CLVS1: variants seen among roughly 807,000 people sequenced by gnomAD.
The protein encoded by CLVS1 is clavesin 1.
A neutral mutation model predicts 33.1 loss-of-function variants in CLVS1; 10 were observed. The ratio of observed to expected loss-of-function variants is 0.30; its 90% CI spans 0.19 to 0.51. CLVS1 has a LOEUF of 0.51. Ranked by LOEUF, CLVS1 falls within the 20% of genes least tolerant of loss-of-function variation. The probability of loss-of-function intolerance (pLI) is 0.97; values close to 1 mark genes in which losing one functional copy is unlikely to be tolerated. For synonymous variants in CLVS1, 163 were observed against 166.1 expected (o/e 0.98, Z 0.14); for missense variants, 343 against 433.4 (o/e 0.79, Z 1.85).
At chr8:61,096,236 C>T (rs1348288454) in intron 1 of CLVS1, among the ~76,000 whole-genome samples, 1 of 152,228 alleles carries the variant, frequency 6.6e-6, no homozygotes, top group Non-Finnish European at 1.5e-5. Flanking sequence ...CCTCCAGCCG[C>T]CATTGACTTG....
intron 1 of CLVS1, among the ~76,000 whole-genome samples, chr8:61,094,400 T>C (rs960108654): frequency 1.8e-4 from 27 of 152,218 alleles, no homozygotes; most frequent in African/African-American, 6.5e-4. Flanking sequence ...CCCTGAGCTC[T>C]ATACAGTTCT....
intron 3 of CLVS1, among the ~76,000 whole-genome samples, chr8:61,441,138 T>G (rs1447450077): frequency 2.0e-5 from 3 of 152,156 alleles, no homozygotes; most frequent in African/African-American, 7.2e-5. Flanking sequence ...GCTGAAAATG[T>G]TTTTAACCTG....
chr8:61,101,841 CA>C (rs1805456349), intron 1 of CLVS1, among the ~76,000 whole-genome samples: 1 of 150,196 alleles, frequency 6.7e-6, no homozygotes, highest in South Asian at 2.1e-4. Context: ...TCAGTTGTTC[CA>C]GCACCACTTA....
intron 2 of CLVS1, among the ~76,000 whole-genome samples, chr8:61,141,472 G>T (rs1806306937): frequency 6.6e-6 from 1 of 151,404 alleles, no homozygotes; most frequent in Non-Finnish European, 1.5e-5. Context: ...CCAATATATT[G>T]GCTTATGTAT....
chr8:61,334,175 A>G (rs139718658), intron 2 of CLVS1, among the ~76,000 whole-genome samples: 96 of 152,330 alleles, frequency 6.3e-4, no homozygotes, highest in African/African-American at 2.1e-3. Context: ...GGGTGTGAGA[A>G]GTGGGATGAG....
At chr8:61,280,527 A>G (rs909727691) in intron 2 of CLVS1, among the ~76,000 whole-genome samples, 4 of 152,376 alleles carry the variant, frequency 2.6e-5, no homozygotes, top group African/African-American at 7.2e-5. Context: ...TAATTTAGGC[A>G]TGTTACTTAA....
chr8:61,328,436 A>C (rs1357678132), intron 2 of CLVS1, among the ~76,000 whole-genome samples: 1 of 152,114 alleles, frequency 6.6e-6, no homozygotes, highest in South Asian at 2.1e-4. Flanking sequence ...CAGGATTTAC[A>C]TGGGCCAGCT....
the CLVS1 span, among the ~76,000 whole-genome samples, chr8:61,005,442 T>C: frequency 2.1e-5 from 3 of 144,970 alleles, no homozygotes; most frequent in African/African-American, 5.2e-5. Context: ...GACAAGCAAA[T>C]GCTTGAATAC....
intron 2 of CLVS1, among the ~76,000 whole-genome samples, chr8:61,151,156 GAA>G (rs375025505): frequency 3.7e-4 from 56 of 152,324 alleles, no homozygotes; most frequent in African/African-American, 1.1e-3. Context: ...AATGAGAGGG[GAA>G]GAGAGGTGAG....
At chr8:61,258,133 G>A (rs967298772) in intron 2 of CLVS1, among the ~76,000 whole-genome samples, 8 of 152,144 alleles carry the variant, frequency 5.3e-5, no homozygotes, top group Non-Finnish European at 1.0e-4. Flanking sequence ...TTGCACAAAC[G>A]CTCTTGCCTT....
intron 3 of CLVS1, among the ~76,000 whole-genome samples, chr8:61,452,615 A>T (rs1817002945): frequency 1.3e-5 from 2 of 152,226 alleles, no homozygotes; most frequent in African/African-American, 4.8e-5. Context: ...CCTTATTAAG[A>T]ATCTTTACAT....
chr8:61,393,629 A>G (rs1365884116), intron 3 of CLVS1, among the ~76,000 whole-genome samples: 2 of 152,042 alleles, frequency 1.3e-5, no homozygotes, highest in Non-Finnish European at 2.9e-5. Flanking sequence ...CATTTCCCCT[A>G]GGGATGGGGC....
intron 5 of CLVS1, among the ~76,000 whole-genome samples, chr8:61,490,821 G>C (rs931153449): frequency 4.6e-5 from 7 of 151,732 alleles, no homozygotes; most frequent in Non-Finnish European, 1.0e-4. Flanking sequence ...AGCTGAGCGT[G>C]GTGGCGGGTG....
intron 2 of CLVS1, among the ~76,000 whole-genome samples, chr8:61,221,350 T>C (rs1375174828): frequency 6.6e-6 from 1 of 152,240 alleles, no homozygotes; most frequent in Non-Finnish European, 1.5e-5. Flanking sequence ...TATTTTGAGA[T>C]ATATTCCATC....
At chr8:61,095,787 G>A (rs780855880) in intron 1 of CLVS1, among the ~76,000 whole-genome samples, 10 of 152,124 alleles carry the variant, frequency 6.6e-5, no homozygotes, top group Non-Finnish European at 1.5e-4. Flanking sequence ...GCCTTAAGAC[G>A]TTTATCCTGT....
At chr8:61,318,982 C>A (rs1811105895) in intron 2 of CLVS1, among the ~76,000 whole-genome samples, 1 of 152,054 alleles carries the variant, frequency 6.6e-6, no homozygotes, top group South Asian at 2.1e-4. Context: ...TATTTTAATA[C>A]TATTTTTCAT....
intron 5 of CLVS1, among the ~76,000 whole-genome samples, chr8:61,490,273 A>G (rs1281236113): frequency 6.6e-6 from 1 of 151,576 alleles, no homozygotes; most frequent in Non-Finnish European, 1.5e-5. Flanking sequence ...CAGTGAGCCA[A>G]GATTGCGCCA....
intron 1 of CLVS1, among the ~76,000 whole-genome samples, chr8:61,291,448 A>G (rs1005933621): frequency 6.6e-6 from 1 of 152,194 alleles, no homozygotes; most frequent in Non-Finnish European, 1.5e-5. Context: ...GTCTTAGACA[A>G]AGTTCCATAT....
At chr8:61,392,954 G>A (rs995524161) in intron 3 of CLVS1, among the ~76,000 whole-genome samples, 2 of 151,908 alleles carry the variant, frequency 1.3e-5, no homozygotes, top group Non-Finnish European at 2.9e-5. Context: ...TGCTATCTCG[G>A]CTCACTGCAA....
Sources: allele counts gnomAD v4.1 joint callset (sites outside exome capture counted in the v4.1 genomes callset), GRCh38; gene constraint gnomAD v4.1.1; transcripts MANE v1.5; gene names NCBI Gene and HGNC (gene_info 2026-07-23, HGNC 2026-07-21).